TRAPPC9: variants seen among roughly 807,000 people sequenced by gnomAD.
TRAPPC9 encodes IKK2 binding protein.
In TRAPPC9, 83 loss-of-function variants were observed where a neutral mutation model predicts 124.0. The ratio of observed to expected loss-of-function variants is 0.67; its 90% CI spans 0.56 to 0.80. TRAPPC9 has a LOEUF of 0.80. Among genes scored for constraint, TRAPPC9 ranks in the 30% least tolerant of loss-of-function variants. The pLI is 0.00. For synonymous variants in TRAPPC9, 638 were observed against 617.5 expected (o/e 1.03, Z -0.49); for missense variants, 1,302 against 1,508.3 (o/e 0.86, Z 2.27).
chr8:140,209,454 C>T (rs562002082), intron 17 of TRAPPC9, among the ~76,000 whole-genome samples: 10 of 152,228 alleles, frequency 6.6e-5, no homozygotes, highest in Non-Finnish European at 1.2e-4. Flanking sequence ...CTGTCCTTAA[C>T]ATCTGTGTTA....
In TRAPPC9 at chr8:139,863,743, C is replaced by T. The variant is rs550105990; in HGVS notation, c.3055+22136G>A. On this transcript the variant is annotated intron_variant, in intron 21 of 22. Transcript: ENST00000438773. ...GTCAACGTGGGGAAGGCAGGGACAACCCCGAACATCACCCCACTCATCCCC... is the reference window on the plus strand; with the variant it reads ...GTCAACGTGGGGAAGGCAGGGACAATCCCGAACATCACCCCACTCATCCCC... Among the ~76,000 whole-genome samples the T allele has an allele frequency of 2.0e-5, 3 of 152,358 alleles. 1 individual carries two copies. The South Asian group carries it at 6.2e-4, about 32-fold the overall frequency.
intron 5 of TRAPPC9, among the ~76,000 whole-genome samples, chr8:140,413,828 A>G (rs1319688123): frequency 6.6e-6 from 1 of 151,650 alleles, no homozygotes; most frequent in Non-Finnish European, 1.5e-5. Context: ...TGTCCCTACA[A>G]AGGACATGAA....
At chr8:140,120,513 C>T (rs919037211) in intron 17 of TRAPPC9, among the ~76,000 whole-genome samples, 2 of 152,074 alleles carry the variant, frequency 1.3e-5, no homozygotes, top group Non-Finnish European at 2.9e-5. Context: ...CATCTAGCCT[C>T]CATCTATCCA....
chr8:140,254,063 C>G (rs1402831917), intron 15 of TRAPPC9, among the ~76,000 whole-genome samples: 1 of 152,158 alleles, frequency 6.6e-6, no homozygotes, highest in Non-Finnish European at 1.5e-5. Flanking sequence ...CTGGTGCCCG[C>G]TGAAGTAGCT....
At chr8:140,186,555 G>A (rs1461441461) in intron 17 of TRAPPC9, among the ~76,000 whole-genome samples, 3 of 151,782 alleles carry the variant, frequency 2.0e-5, no homozygotes, top group Admixed American at 6.6e-5. Flanking sequence ...GCGACAGAGC[G>A]AGAGTCTGTC....
chr8:139,957,900 G>A (rs916848384), intron 19 of TRAPPC9, among the ~76,000 whole-genome samples: 2 of 152,190 alleles, frequency 1.3e-5, no homozygotes, highest in African/African-American at 2.4e-5. Flanking sequence ...TCAAACTGAC[G>A]TCGTTTCTGT....
At chr8:140,403,302 C>A (rs1412891246) in intron 6 of TRAPPC9, among the ~76,000 whole-genome samples, 1 of 152,008 alleles carries the variant, frequency 6.6e-6, no homozygotes, top group Non-Finnish European at 1.5e-5. Context: ...TGGTGGCTCG[C>A]ACCTGTAGTC....
chr8:139,740,953 C>A (rs1022779742), intron 21 of TRAPPC9, among the ~76,000 whole-genome samples: 1 of 152,168 alleles, frequency 6.6e-6, no homozygotes, highest in African/African-American at 2.4e-5. Context: ...CAGGGAGATG[C>A]AGAGGCCCAG....
In TRAPPC9 at chr8:139,917,542, T is replaced by G. The variant is rs571889569; in HGVS notation, c.2811-7242A>C. Among the ~76,000 whole-genome samples the G allele has an allele frequency of 5.3e-5, 8 of 152,270 alleles. No individual in the cohort carries two copies. In the East Asian group the frequency reaches 7.7e-4, roughly 15 times the overall value. On this transcript the variant is annotated intron_variant, in intron 19 of 22. Transcript: ENST00000438773. ...TTTTGAAAGTCAAAGCTCTAGGTGA[T>G]CCAATCAAAGCACCATCGGAGAATG...
chr8:140,221,478 C>T lies in TRAPPC9; in HGVS notation c.2537G>A (p.Gly846Asp). Reference protein sequence around the residue: ...PVNPPESNKAGDYSHVKTLEA... With the variant: ...PVNPPESNKADDYSHVKTLEA... ...ACTCACCTTCACGTGGCTGTAGTCGCCTGCTTTGTTGCTCTCGGGTGGGTT... is the reference window on the plus strand; with the variant it reads ...ACTCACCTTCACGTGGCTGTAGTCGTCTGCTTTGTTGCTCTCGGGTGGGTT... The change falls in exon 17 of 23, where the codon GGC (glycine) becomes GAC (aspartate). Residue 846 changes from glycine to aspartate, a missense_variant. Around this residue, in one of 3 missense-constraint regions of TRAPPC9, gnomAD observed 640 missense variants for 679.3 expected, o/e 0.94. Transcript: ENST00000438773. The T allele has an allele frequency of 6.2e-7, 1 of 1,614,152 alleles. No homozygotes were observed. The highest frequency in any genetic ancestry group is 8.5e-7 in the Non-Finnish European group (1 of 1,180,008).
At chr8:140,159,112 T>C (rs1446578843) in intron 17 of TRAPPC9, among the ~76,000 whole-genome samples, 1 of 152,202 alleles carries the variant, frequency 6.6e-6, no homozygotes, top group Non-Finnish European at 1.5e-5. Context: ...TAAGTCCTGC[T>C]GCCCACAACA....
intron 21 of TRAPPC9, among the ~76,000 whole-genome samples, chr8:139,847,249 T>G (rs568941085): frequency 1.3e-5 from 2 of 152,130 alleles, no homozygotes; most frequent in Non-Finnish European, 2.9e-5. Context: ...GCAAAACCAA[T>G]AGAGGTTTTC....
In TRAPPC9 at chr8:139,910,283, T is replaced by C. The variant is rs1831638557; in HGVS notation, c.2828A>G (p.Asp943Gly). Residue 943 changes from aspartate (D) to glycine (G), a missense_variant, in exon 20 of 23, where the codon GAC (aspartate) becomes GGC (glycine). Coordinates refer to ENST00000438773, the MANE Select transcript of TRAPPC9 (RefSeq NM_001160372.4). ...CGGGAAACTCTCAAAGTTGAACTTG[T>C]CCACTTGAATAGCCATTCTACGAGA... is the stretch of plus-strand genomic sequence containing the variant. ...GECQRMAIQVDKFNFESFPES... is the reference protein window; with the variant it reads ...GECQRMAIQVGKFNFESFPES... 1 of 1,614,052 alleles carries C rather than the reference T, an allele frequency of 6.2e-7. No homozygotes were observed. Among genetic ancestry groups the C allele is most frequent in the African/African-American group, 1.3e-5 (1 of 74,910 alleles).
At position 139,855,521 on chromosome 8, in the gene TRAPPC9, T is replaced by C. The variant is rs536147235; in HGVS notation, c.3055+30358A>G. ...AAATTCCCAGGCAGCTCACCACAGC[T>C]GTGCAAGTGCTTACACGACGCGTCA... On this transcript the variant is annotated intron_variant, in intron 21 of 22. Transcript: ENST00000438773. Among the ~76,000 whole-genome samples the C allele has an allele frequency of 2.0e-4, 31 of 152,208 alleles. No individual in the cohort carries two copies. In the Middle Eastern group the frequency reaches 0.014, roughly 67 times the overall value.
chr8:140,309,258 G>A (rs188905690), intron 10 of TRAPPC9, among the ~76,000 whole-genome samples: 25 of 152,352 alleles, frequency 1.6e-4, no homozygotes, highest in Admixed American at 4.6e-4. Context: ...GCTGCTCTGC[G>A]CTTTTGTGTG....
intron 9 of TRAPPC9, among the ~76,000 whole-genome samples, chr8:140,329,688 C>A (rs964970256): frequency 6.6e-6 from 1 of 152,184 alleles, no homozygotes; most frequent in African/African-American, 2.4e-5. Flanking sequence ...TATTAAGCAA[C>A]CTCCTCGGCA....
rs113988707 is a variant in TRAPPC9, at chr8:140,350,897, A to G, written c.1495+9153T>C. ...GCAACAAAACAGGATCTGATTTGCAATTTAAACAGTAACTGTGAGGGGTGT... is the reference window on the plus strand; with the variant it reads ...GCAACAAAACAGGATCTGATTTGCAGTTTAAACAGTAACTGTGAGGGGTGT... On this transcript the variant is annotated intron_variant, in intron 9 of 22. Coordinates refer to ENST00000438773, the MANE Select transcript of TRAPPC9 (RefSeq NM_001160372.4). 3.0e-3 allele frequency among the ~76,000 whole-genome samples: 461 copies of G among 152,144 alleles called. 4 individuals are homozygous for G. The highest frequency in any genetic ancestry group is 0.011 in the African/African-American group (442 of 41,540).
chr8:140,149,057 C>T (rs1563798094), intron 17 of TRAPPC9, among the ~76,000 whole-genome samples: 1 of 152,132 alleles, frequency 6.6e-6, no homozygotes, highest in Non-Finnish European at 1.5e-5. Flanking sequence ...TCAGTGTGTG[C>T]TTTGCTGGGC....
intron 17 of TRAPPC9, among the ~76,000 whole-genome samples, chr8:140,155,030 G>A (rs111472750): frequency 0.019 from 2,965 of 152,236 alleles, 95 homozygotes; most frequent in African/African-American, 0.066. Flanking sequence ...AGTTTCACCC[G>A]GACAGGCTTC....
Sources: gnomAD v4.1 joint callset for allele counts (sites outside exome capture counted in the v4.1 genomes callset) on GRCh38, gnomAD v4.1.1 for gene constraint, gnomAD v4.1.1 regional missense constraint, MANE v1.5 for transcripts, NCBI Gene and HGNC (gene_info 2026-07-23, HGNC 2026-07-21) for gene names.